ZNF831: variants seen among roughly 807,000 people sequenced by gnomAD.
ZNF831 encodes zinc finger protein 831.
A neutral mutation model predicts 95.8 loss-of-function variants in ZNF831; 59 were observed. That is an observed-to-expected ratio of 0.62 (90% CI 0.50 to 0.77). The LOEUF (loss-of-function observed/expected upper bound fraction) is 0.77. Ranked by LOEUF, ZNF831 falls within the 30% of genes least tolerant of loss-of-function variation. ZNF831 has a pLI of 0.00. For missense variants in ZNF831, 2,205 were observed against 2,164.0 expected (o/e 1.02, Z -0.38); for synonymous variants, 961 against 925.5 (o/e 1.04, Z -0.70).
intron 1 of ZNF831, among the ~76,000 whole-genome samples, chr20:59,144,779 C>T (rs541345501): frequency 4.6e-5 from 7 of 152,338 alleles, no homozygotes; most frequent in East Asian, 3.9e-4. Flanking sequence ...AACATAAGTG[C>T]GTCTTTTCAG....
intron 1 of ZNF831, among the ~76,000 whole-genome samples, chr20:59,128,955 T>C (rs1601288356): frequency 6.6e-6 from 1 of 152,022 alleles, no homozygotes; most frequent in Non-Finnish European, 1.5e-5. Context: ...AGAGACGGGG[T>C]TTCACCCGTT....
chr20:59,205,839 T>C (rs988149966), intron 3 of ZNF831, among the ~76,000 whole-genome samples: 1 of 152,192 alleles, frequency 6.6e-6, no homozygotes, highest in Non-Finnish European at 1.5e-5. Context: ...GCCTATATAA[T>C]GGGGGTGCTA....
In ZNF831 at chr20:59,192,167, C is replaced by T; in HGVS notation, c.1148C>T (p.Pro383Leu). The T allele has an allele frequency of 6.4e-7, 1 of 1,557,044 alleles. No homozygotes were observed. The highest frequency in any genetic ancestry group is 8.6e-7 in the Non-Finnish European group (1 of 1,157,076). Residue 383 changes from proline to leucine, a missense_variant, in exon 2 of 6, where the codon CCA (proline) becomes CTA (leucine). Physicochemically the swap from Pro to Leu is moderately conservative, Grantham distance 98. Transcript: ENST00000371030. The surrounding 1 kb of genome is among the most constrained non-coding windows in gnomAD (Gnocchi z 5.2). ...SEGEGGPGPG[P>L]GVAGAEPGAR... ...GGGGAGGGCGGCCCGGGCCCGGGGC[C>T]AGGGGTCGCAGGGGCCGAGCCCGGG...
intron 2 of ZNF831, among the ~76,000 whole-genome samples, chr20:59,149,622 A>G (rs1980102684): frequency 1.3e-5 from 2 of 152,258 alleles, no homozygotes; most frequent in South Asian, 4.1e-4. Flanking sequence ...GTGAGCGCCA[A>G]AAGCCTGGGC....
chr20:59,160,117 C>T (rs937439778), upstream of ZNF831: 19 of 152,314 alleles, frequency 1.2e-4, no homozygotes, highest in South Asian at 2.1e-3. Flanking sequence ...TCCACAGGAA[C>T]GAAAGACAGG....
In ZNF831 at chr20:59,193,778, C is replaced by T. The variant is rs2146589195; in HGVS notation, c.2759C>T (p.Ala920Val). ...APAPAEHPSL[A>V]TPPQAPRVLS... The stretch of plus-strand genomic sequence containing the variant: ...GCCCCCGCAGAGCACCCCTCGCTGG[C>T]CACCCCACCTCAGGCTCCTAGAGTG... Residue 920 changes from alanine to valine, a missense_variant, in exon 2 of 6, where the codon GCC becomes GTC. Coordinates refer to ENST00000371030, the MANE Select transcript of ZNF831 (RefSeq NM_178457.3). The T allele has an allele frequency of 6.2e-7, 1 of 1,606,384 alleles. No homozygotes were observed. The highest frequency in any genetic ancestry group is 1.1e-5 in the South Asian group (1 of 89,732).
intron 1 of ZNF831, among the ~76,000 whole-genome samples, chr20:59,170,640 T>C (rs184359980): frequency 2.8e-4 from 43 of 152,190 alleles, no homozygotes; most frequent in African/African-American, 1.0e-3. Flanking sequence ...ATGATAAGAA[T>C]TACTAACTAT....
intron 1 of ZNF831, among the ~76,000 whole-genome samples, chr20:59,184,997 G>A (rs919896222): frequency 9.2e-5 from 14 of 152,334 alleles, no homozygotes; most frequent in Admixed American, 2.6e-4. Flanking sequence ...AGTTCCCTGC[G>A]TGTGGGAGCC....
At chr20:59,204,675 G>T (rs1056392213) in intron 3 of ZNF831, among the ~76,000 whole-genome samples, 2 of 152,206 alleles carry the variant, frequency 1.3e-5, no homozygotes, top group African/African-American at 4.8e-5. Flanking sequence ...CCTTCCCTGA[G>T]AGAGCCTGAC....
At chr20:59,250,609 G>T (rs1042664160) in intron 4 of ZNF831, among the ~76,000 whole-genome samples, 1 of 152,200 alleles carries the variant, frequency 6.6e-6, no homozygotes, top group African/African-American at 2.4e-5. Context: ...GAACTTGGAA[G>T]AGGGACTATG....
At position 59,187,839 on chromosome 20, in the gene ZNF831, G is replaced by GT. The variant is rs373009787; in HGVS notation, c.-36-3141dup. ...CCTCCTCTGGCAACCACTATAATTT[G>GT]TTTTCTGTTTCCGTGAGTTTGTCTA... is the stretch of plus-strand genomic sequence containing the variant. On this transcript the variant is annotated intron_variant, in intron 1 of 5. Transcript: ENST00000371030. 9.3e-3 allele frequency among the ~76,000 whole-genome samples: 1,414 copies of GT among 152,184 alleles called. 24 individuals are homozygous for GT. Among genetic ancestry groups the GT allele is most frequent in the African/African-American group, 0.033 (1,359 of 41,508 alleles).
chr20:59,147,957 C>T (rs907822722), intron 2 of ZNF831, among the ~76,000 whole-genome samples: 10 of 152,222 alleles, frequency 6.6e-5, no homozygotes, highest in Non-Finnish European at 1.3e-4. Flanking sequence ...GGCCACGTGG[C>T]AGCACACTGT....
Position 59,196,022 on chromosome 20 carries a change from C to T in ZNF831, c.3875+17C>T, listed in dbSNP as rs753079280. On this transcript the variant is annotated intron_variant, in intron 3 of 5. Coordinates refer to ENST00000371030, the MANE Select transcript of ZNF831 (RefSeq NM_178457.3). ...CCCTAAAAGGTAGGATGAGTGGCCA[C>T]CTCTGTCATTTCCACAAAACCCCAA... 1 of 1,611,324 alleles carries T rather than the reference C, an allele frequency of 6.2e-7. No individual in the cohort carries two copies. The highest frequency in any genetic ancestry group is 1.1e-5 in the South Asian group (1 of 90,708).
rs1176300519 is a variant in ZNF831, at chr20:59,217,263, G to T, written c.4027+10207G>T. Among the ~76,000 whole-genome samples, 1 of 151,640 alleles carries T rather than the reference G, an allele frequency of 6.6e-6. No individual in the cohort carries two copies. Among genetic ancestry groups the T allele is most frequent in the Non-Finnish European group, 1.5e-5 (1 of 68,000 alleles). ...TCTTTTTACTCAAAAATGTTTTGTG[G>T]TTCCACACTGTGAAAACATGTAGCT... On this transcript the variant is annotated intron_variant, in intron 4 of 5. Transcript: ENST00000371030. This position sits in a 1 kb window ranked among gnomAD's most constrained non-coding sequence, Gnocchi z 4.4.
rs1211201145 is a variant in ZNF831 at position 59,206,975 on chromosome 20, C to T, written c.3946C>T (p.Arg1316Ter). Residue 1316 changes from arginine (R) to a stop codon, truncating the protein, a stop_gained, in exon 4 of 6, where the codon CGA becomes TGA. Coordinates refer to ENST00000371030, the MANE Select transcript of ZNF831 (RefSeq NM_178457.3). LOFTEE classifies it high-confidence loss of function. ...TAGACTTCGCACACCAACCTGGGTG[C>T]GAAGAAGAAGCCGCCACCCTCCCGC... ...ASRLRTPTWV[R>*]RRSRHPPALE... is the part of the protein sequence containing the mutation. 7.4e-6 allele frequency: 12 copies of T among 1,614,142 alleles called. No homozygotes were observed. Among genetic ancestry groups the T allele is most frequent in the Middle Eastern group, 1.6e-4 (1 of 6,062 alleles).
At position 59,191,970 on chromosome 20, in the gene ZNF831, G is replaced by A. The variant is rs1343460819; in HGVS notation, c.951G>A (p.Arg317=). 1 of 1,606,534 alleles carries A rather than the reference G, an allele frequency of 6.2e-7. No homozygotes were observed. Among genetic ancestry groups the A allele is most frequent in the East Asian group, 2.2e-5 (1 of 44,666 alleles). Residue 317 remains arginine, a synonymous_variant, in exon 2 of 6, where the codon CGG becomes CGA. Transcript: ENST00000371030. The stretch of plus-strand genomic sequence containing the variant: ...CCGGGAAGCCGTGCGCCCTGCAGCG[G>A]CAGCAGGCGACGGCAGCGGAGAAGC... ...PTAGKPCALQ[R]QQATAAEKPW...
At position 59,257,961 on chromosome 20, in the gene ZNF831, A is replaced by C. The variant is rs1040057187; in HGVS notation, c.*3218A>C. Reference sequence around the variant, plus strand: ...AAGATGTATGGAGGGAAGAGGTTTCAATCCTTCCCTCCTTGGCAACCTACA... The same window carrying C: ...AAGATGTATGGAGGGAAGAGGTTTCCATCCTTCCCTCCTTGGCAACCTACA... On this transcript the variant is annotated 3_prime_UTR_variant, in exon 6 of 6. Coordinates refer to ENST00000371030, the MANE Select transcript of ZNF831 (RefSeq NM_178457.3). The C allele has an allele frequency of 2.0e-5, 3 of 152,196 alleles. No individual in the cohort carries two copies. The highest frequency in any genetic ancestry group is 7.2e-5 in the African/African-American group (3 of 41,442). The allele number at this position is 152,196 out of a possible 1,614,324, so 9.4% of individuals were successfully genotyped here. A position where few individuals can be genotyped will look rare whatever the true frequency, so the allele number is the denominator to read the frequency against.
At chr20:59,203,889 T>C (rs540962818) in intron 3 of ZNF831, among the ~76,000 whole-genome samples, 1 of 152,292 alleles carries the variant, frequency 6.6e-6, no homozygotes, top group East Asian at 1.9e-4. Context: ...ACTAGAGGCA[T>C]AGAGATCCGG....
chr20:59,142,699 C>G (rs1273545613), intron 1 of ZNF831, among the ~76,000 whole-genome samples: 1 of 152,170 alleles, frequency 6.6e-6, no homozygotes, highest in Non-Finnish European at 1.5e-5. Flanking sequence ...ATGCCTCTAG[C>G]AAAAATTTCA....
Sources: allele counts gnomAD v4.1 joint callset (sites outside exome capture counted in the v4.1 genomes callset), GRCh38; gene constraint gnomAD v4.1.1; non-coding constraint Gnocchi (gnomAD v3.1); transcripts MANE v1.5; gene names NCBI Gene and HGNC (gene_info 2026-07-23, HGNC 2026-07-21).